The following SARDH variants were observed in gnomAD, a reference collection of about 807,000 sequenced individuals.
SARDH encodes sarcosine dehydrogenase, mitochondrial.
Under a neutral mutation model 109.1 loss-of-function variants are expected in SARDH, and 95 were observed. The ratio of observed to expected loss-of-function variants is 0.87; its 90% confidence interval spans 0.74 to 1.03. The LOEUF is 1.03. SARDH is among the 50% of genes least tolerant of loss of function. The probability of loss-of-function intolerance (pLI) is 0.00; values close to 1 mark genes in which losing one functional copy is unlikely to be tolerated. For synonymous variants in SARDH, 572 were observed against 534.8 expected, an observed-to-expected ratio of 1.07 and a Z score of -0.96; for missense variants, 1,267 against 1,287.8, an observed-to-expected ratio of 0.98 and a Z score of 0.25.
intron 1 of SARDH, among the ~76,000 whole-genome samples, chr9:133,735,273 T>C (rs771092369): frequency 6.6e-6 from 1 of 152,176 alleles, no homozygotes; most frequent in Non-Finnish European, 1.5e-5. Flanking sequence ...CTCTGCTCCC[T>C]TGGGGCCACC....
intron 20 of SARDH, among the ~76,000 whole-genome samples, chr9:133,665,282 G>A (rs954315389): frequency 5.3e-5 from 8 of 152,200 alleles, no homozygotes; most frequent in African/African-American, 1.9e-4. Flanking sequence ...GAGCATTACT[G>A]TTCTTTGAAG....
At position 133,670,607 on chromosome 9, in the gene SARDH, G is replaced by C. The variant is rs757154348; in HGVS notation, c.2472C>G (p.Arg824=). ...EQQRAAGLRR[R]LVCFTMEDKV... is the part of the protein sequence containing the mutation. ...ACTCCTCCATGGTGAAGCACACCAGGCGCCGGCGGAGGCCTGCGGCCCGCT... is the reference window on the plus strand; with the variant it reads ...ACTCCTCCATGGTGAAGCACACCAGCCGCCGGCGGAGGCCTGCGGCCCGCT... Residue 824 remains arginine, a synonymous_variant, in exon 19 of 21, where the codon CGC becomes CGG. Transcript: ENST00000439388. 1.3e-6 allele frequency: 2 copies of C among 1,576,160 alleles called. No individual in the cohort carries two copies. The highest frequency in any genetic ancestry group is 3.7e-5 in the Admixed American group (2 of 54,618).
Position 133,708,399 on chromosome 9 carries a change from G to T in SARDH, c.1358C>A (p.Pro453His). ...ATGGCTTCGCTCTCGGATCCAGCGG[G>T]GGTGGTCCGTGAGCGAGTGATGGAA... ...RRFHHSLTDH[P>H]RWIRERSHES... Residue 453 changes from proline (P) to histidine (H), a missense_variant, in exon 11 of 21, where the codon CCC becomes CAC. Pro to His is a moderately conservative substitution (Grantham distance 77). Coordinates refer to ENST00000439388, the MANE Select transcript of SARDH (RefSeq NM_001134707.2). The T allele has an allele frequency of 1.9e-6, 3 of 1,612,300 alleles. No individual in the cohort carries two copies. Among genetic ancestry groups the T allele is most frequent in the Non-Finnish European group, 2.5e-6 (3 of 1,179,480 alleles).
chr9:133,706,151 C>T (rs1350179049), intron 11 of SARDH, among the ~76,000 whole-genome samples: 13 of 152,198 alleles, frequency 8.5e-5, no homozygotes, highest in Non-Finnish European at 1.5e-5. Flanking sequence ...AAACAAATTC[C>T]GTTCACGCAT....
At chr9:133,663,033 T>C (rs1829936687), downstream of SARDH, among the ~76,000 whole-genome samples, 1 of 152,150 alleles carries the variant, frequency 6.6e-6, no homozygotes, top group Admixed American at 6.5e-5. Context: ...AGGGTCCTCC[T>C]GCAAGGGCCA....
chr9:133,722,315 T>TAA (rs56393634), intron 6 of SARDH, among the ~76,000 whole-genome samples: 1 of 151,542 alleles, frequency 6.6e-6, no homozygotes, highest in African/African-American at 2.4e-5. Flanking sequence ...TTTTTTTTTT[T>TAA]AAAGCCTCAA....
chr9:133,689,859 G>A (rs1378601273), intron 16 of SARDH, among the ~76,000 whole-genome samples: 1 of 152,214 alleles, frequency 6.6e-6, no homozygotes, highest in Non-Finnish European at 1.5e-5. Flanking sequence ...GCCAGCAGCC[G>A]AGGGTCTTCC....
At chr9:133,734,810 TG>T (rs977591190) in intron 1 of SARDH, among the ~76,000 whole-genome samples, 1 of 152,154 alleles carries the variant, frequency 6.6e-6, no homozygotes, top group Non-Finnish European at 1.5e-5. Context: ...AGCGAGAGGC[TG>T]GGGCTGGGCG....
chr9:133,712,565 A>G lies in SARDH; in HGVS notation c.1328+54T>C. The G allele has an allele frequency of 1.3e-6, 2 of 1,492,924 alleles. No homozygotes were observed. Among genetic ancestry groups the G allele is most frequent in the Non-Finnish European group, 1.9e-6 (2 of 1,080,724 alleles). The allele number at this position is 1,492,924 out of a possible 1,614,324, so 92.5% of individuals were successfully genotyped here. On this transcript the variant is annotated intron_variant, in intron 10 of 20. Transcript: ENST00000439388. The surrounding 1 kb of genome is among the most constrained non-coding windows in gnomAD (Gnocchi z 4.1). ...CTCAGTAGCCCTCGCTGTTTACCCC[A>G]CGCCACCTGTCCTGAGTGGCGGGCC...
intron 13 of SARDH, among the ~76,000 whole-genome samples, chr9:133,698,706 C>T (rs541281368): frequency 1.3e-5 from 2 of 152,284 alleles, no homozygotes; most frequent in Admixed American, 6.5e-5. Flanking sequence ...TGGTGCTGGG[C>T]CAACTGGGTA....
At position 133,666,736 on chromosome 9, in the gene SARDH, G is replaced by A. The variant is rs868561985; in HGVS notation, c.2630C>T (p.Pro877Leu). 4.4e-6 allele frequency: 7 copies of A among 1,588,464 alleles called. No individual in the cohort carries two copies. The highest frequency in any genetic ancestry group is 1.3e-5 in the African/African-American group (1 of 74,546). The change falls in exon 20 of 21, where the codon CCG becomes CTG. Residue 877 changes from proline to leucine, a missense_variant and splice_region_variant. Coordinates refer to ENST00000439388, the MANE Select transcript of SARDH (RefSeq NM_001134707.2). This position sits in a 1 kb window ranked among gnomAD's most constrained non-coding sequence, Gnocchi z 5.2. The part of the protein sequence containing the change: ...YGYIHDPSGG[P>L]VSLDFVKSGD... ...GCAGGGCCAGAGAAGGGGACTCACC[G>A]GCCCACCGCTGGGGTCATGGATGTA...
At chr9:133,703,278 G>A in intron 12 of SARDH, 1 of 532,626 alleles carries the variant, frequency 1.9e-6, no homozygotes, top group Non-Finnish European at 3.4e-6. Flanking sequence ...CCAGGAGGCT[G>A]GAGGAGGAGC....
chr9:133,715,876 T>C (rs1207304731), intron 8 of SARDH, among the ~76,000 whole-genome samples: 4 of 152,214 alleles, frequency 2.6e-5, no homozygotes, highest in Admixed American at 2.6e-4. Context: ...TCCAGTGCCC[T>C]TCACTAAAGG....
intron 11 of SARDH, among the ~76,000 whole-genome samples, chr9:133,707,907 T>C (rs1471965590): frequency 1.3e-5 from 2 of 152,034 alleles, no homozygotes; most frequent in Non-Finnish European, 2.9e-5. Flanking sequence ...CCCTCTCCAA[T>C]GTACGCCGTG....
intron 8 of SARDH, 53 bp from the exon 9 acceptor site, chr9:133,713,177 G>T (rs1831994472): frequency 4.0e-6 from 6 of 1,494,872 alleles, no homozygotes; most frequent in Middle Eastern, 1.7e-4. Flanking sequence ...ACATACTCTT[G>T]GGGTGAGGTC....
intron 17 of SARDH, among the ~76,000 whole-genome samples, chr9:133,673,766 A>G (rs1564236451): frequency 2.0e-5 from 3 of 152,182 alleles, no homozygotes; most frequent in Non-Finnish European, 4.4e-5. Context: ...GGGGCTCAAA[A>G]CCAATCTCAT....
chr9:133,727,950 C>T (rs1014570694), intron 6 of SARDH, among the ~76,000 whole-genome samples: 4 of 152,094 alleles, frequency 2.6e-5, no homozygotes, highest in African/African-American at 7.2e-5. Context: ...CCCTCCCTGA[C>T]GCCCCAGGAC....
At chr9:133,719,427 G>T (rs1428307515) in intron 6 of SARDH, among the ~76,000 whole-genome samples, 2 of 152,098 alleles carry the variant, frequency 1.3e-5, no homozygotes, top group African/African-American at 4.8e-5. Flanking sequence ...GTGGATGGAG[G>T]AGGGGTGAGA....
At chr9:133,702,785 G>T in intron 13 of SARDH, 131 bp downstream of exon 13, 1 of 729,212 alleles carries the variant, frequency 1.4e-6, no homozygotes, top group Non-Finnish European at 2.3e-6. Context: ...GCCGAAAAAA[G>T]CGTGAATGCA....
Sources: allele counts gnomAD v4.1 joint callset (sites outside exome capture counted in the v4.1 genomes callset), GRCh38; gene constraint gnomAD v4.1.1; non-coding constraint Gnocchi (gnomAD v3.1); transcripts MANE v1.5; gene names NCBI Gene and HGNC (gene_info 2026-07-23, HGNC 2026-07-21).